ZNF883: variants seen among roughly 807,000 people sequenced by gnomAD.
ZNF883 encodes zinc finger protein 883.
upstream of ZNF883, chr9:113,001,919 C>G (rs891335578): frequency 6.6e-6 from 1 of 152,128 alleles, no homozygotes; most frequent in East Asian, 1.9e-4. Flanking sequence ...TCCCTAAACT[C>G]AAAGCTCAGT....
At chr9:112,989,602 G>A (rs1828282453) in intron 1 of ZNF883, among the ~76,000 whole-genome samples, 1 of 152,068 alleles carries the variant, frequency 6.6e-6, no homozygotes, top group Admixed American at 6.6e-5. Flanking sequence ...TTGGCTATTT[G>A]GGCTTTTTTT....
downstream of ZNF883, among the ~76,000 whole-genome samples, chr9:112,994,238 T>C (rs62575129): frequency 0.084 from 12,770 of 151,644 alleles, 651 homozygotes; most frequent in Non-Finnish European, 0.11. Flanking sequence ...TGGCTGCAGG[T>C]GGTAGCTCCC....
chr9:113,000,523 T>C (rs1828412465), upstream of ZNF883, among the ~76,000 whole-genome samples: 1 of 152,100 alleles, frequency 6.6e-6, no homozygotes, highest in African/African-American at 2.4e-5. Context: ...TGAGCCTGGA[T>C]TGGGAGAATA....
chr9:113,006,207 T>A (rs1478276532), intron 2 of ZNF883, among the ~76,000 whole-genome samples: 1 of 151,880 alleles, frequency 6.6e-6, no homozygotes, highest in Non-Finnish European at 1.5e-5. Context: ...CTAAAAAACA[T>A]GCCCACCAGA....
downstream of ZNF883, among the ~76,000 whole-genome samples, chr9:112,995,531 A>G (rs1828343293): frequency 7.2e-6 from 1 of 137,942 alleles, no homozygotes; most frequent in Admixed American, 7.5e-5. Flanking sequence ...TCTCTTTCCT[A>G]CTTTCCTTTC....
exon 1 of ZNF883, chr9:112,997,162 T>C (rs753193705): frequency 1.2e-6 from 2 of 1,610,618 alleles, no homozygotes; most frequent in African/African-American, 2.7e-5. Flanking sequence ...TTTTCTGATG[T>C]CGAATTAAGG....
upstream of ZNF883, chr9:112,998,905 A>G (rs1052118894): frequency 1.3e-5 from 2 of 152,194 alleles, no homozygotes; most frequent in African/African-American, 4.8e-5. Context: ...TGTTATATTC[A>G]TGATCATCCT....
intron 1 of ZNF883, among the ~76,000 whole-genome samples, chr9:113,011,584 G>A (rs1331947538): frequency 6.6e-6 from 1 of 152,204 alleles, no homozygotes; most frequent in Non-Finnish European, 1.5e-5. Context: ...AGAGTGTAGG[G>A]AATCAATTCC....
downstream of ZNF883, among the ~76,000 whole-genome samples, chr9:112,993,713 A>G (rs1478547688): frequency 6.6e-6 from 1 of 152,234 alleles, no homozygotes; most frequent in African/African-American, 2.4e-5. Flanking sequence ...GCTCAGTCTC[A>G]GAGAGATCAG....
upstream of ZNF883, chr9:112,998,963 C>G (rs1341327515): frequency 6.6e-6 from 1 of 152,132 alleles, no homozygotes; most frequent in Non-Finnish European, 1.5e-5. Flanking sequence ...GTTTCTCAAA[C>G]TGGTCATCAA....
intron 2 of ZNF883, among the ~76,000 whole-genome samples, chr9:113,003,708 C>T (rs1828448813): frequency 6.6e-6 from 1 of 152,024 alleles, no homozygotes; most frequent in Non-Finnish European, 1.5e-5. Context: ...AAAGCTACAC[C>T]CAGGAATAGA....
exon 1 of ZNF883, chr9:112,997,961 T>C: frequency 6.2e-7 from 1 of 1,613,866 alleles, no homozygotes. Flanking sequence ...TTCACATTCA[T>C]TACACTCATA....
chr9:112,995,242 A>G, downstream of ZNF883, among the ~76,000 whole-genome samples: 1 of 152,152 alleles, frequency 6.6e-6, no homozygotes, highest in Non-Finnish European at 1.5e-5. Context: ...CCTGTCTTCA[A>G]GCTGGGACAC....
chr9:113,007,545 T>C (rs1039131598), intron 2 of ZNF883, among the ~76,000 whole-genome samples: 1 of 152,228 alleles, frequency 6.6e-6, no homozygotes, highest in African/African-American at 2.4e-5. Flanking sequence ...CAAAATTAGC[T>C]GTGAGTATCC....
chr9:112,997,554 G>GT, exon 1 of ZNF883: 1 of 1,614,120 alleles, frequency 6.2e-7, no homozygotes, highest in Non-Finnish European at 8.5e-7. Flanking sequence ...CACTCATAGG[G>GT]TTTTTCTCCA....
chr9:112,997,534 A>G, exon 1 of ZNF883: 1 of 1,614,124 alleles, frequency 6.2e-7, no homozygotes, highest in Non-Finnish European at 8.5e-7. Context: ...AGGCCTTTCC[A>G]CATGCATTAC....
intron 1 of ZNF883, among the ~76,000 whole-genome samples, chr9:112,991,697 G>C (rs1828304791): frequency 6.6e-6 from 1 of 152,118 alleles, no homozygotes; most frequent in East Asian, 1.9e-4. Flanking sequence ...GTCTCCCACT[G>C]TTATTGTGTG....
intron 2 of ZNF883, among the ~76,000 whole-genome samples, chr9:113,004,487 G>A (rs986381637): frequency 3.3e-5 from 5 of 152,032 alleles, no homozygotes; most frequent in Non-Finnish European, 5.9e-5. Context: ...AGGTAATTAG[G>A]TCATGATGAT....
At chr9:113,005,084 A>G (rs565341647) in intron 2 of ZNF883, among the ~76,000 whole-genome samples, 136 of 152,238 alleles carry the variant, frequency 8.9e-4, no homozygotes, top group African/African-American at 3.2e-3. Context: ...ACATAAAACT[A>G]GAACTATAAA....
Sources: allele counts gnomAD v4.1 joint callset (sites outside exome capture counted in the v4.1 genomes callset), GRCh38; gene constraint gnomAD v4.1.1; transcripts MANE v1.5; gene names NCBI Gene and HGNC (gene_info 2026-07-23, HGNC 2026-07-21).